ARHGAP15: variants seen among roughly 807,000 people sequenced by gnomAD.
The protein encoded by ARHGAP15 is Rho GTPase activating protein 15.
Under a neutral mutation model 63.7 loss-of-function variants are expected in ARHGAP15, and 51 were observed. The observed-to-expected ratio is 0.80, with a 90% confidence interval of 0.64 to 1.01. The LOEUF (loss-of-function observed/expected upper bound fraction) is 1.01, where lower values mean the gene tolerates loss of function less well. Among genes scored for constraint, ARHGAP15 ranks in the 50% least tolerant of loss-of-function variants. The pLI is 0.00. For missense variants in ARHGAP15, 560 were observed against 564.6 expected (o/e 0.99, Z 0.08); for synonymous variants, 191 against 193.8 (o/e 0.99, Z 0.12).
At chr2:143,457,836 T>G (rs1690734161) in intron 8 of ARHGAP15, among the ~76,000 whole-genome samples, 1 of 151,722 alleles carries the variant, frequency 6.6e-6, no homozygotes, top group Non-Finnish European at 1.5e-5. Flanking sequence ...AATATCAAAT[T>G]TAATAGTATG....
chr2:143,257,683 G>A (rs1680494595), intron 6 of ARHGAP15, among the ~76,000 whole-genome samples: 3 of 152,044 alleles, frequency 2.0e-5, no homozygotes, highest in Admixed American at 2.0e-4. Context: ...CCATCCATGG[G>A]CTCCTGTGGC....
intron 10 of ARHGAP15, among the ~76,000 whole-genome samples, chr2:143,522,535 C>G (rs971408399): frequency 1.3e-5 from 2 of 152,026 alleles, no homozygotes. Context: ...GGTACAATGA[C>G]CAAAAGCATG....
chr2:143,742,751 A>C (rs1686008712), intron 13 of ARHGAP15, among the ~76,000 whole-genome samples: 1 of 152,224 alleles, frequency 6.6e-6, no homozygotes, highest in South Asian at 2.1e-4. Context: ...CAATCAGAAA[A>C]GAACCTGGCC....
chr2:143,620,799 T>C (rs758468591), intron 11 of ARHGAP15, among the ~76,000 whole-genome samples: 71 of 152,240 alleles, frequency 4.7e-4, no homozygotes, highest in Non-Finnish European at 8.2e-4. Flanking sequence ...CATAGCACAG[T>C]CCCTGGTACA....
At chr2:143,401,335 C>T (rs1574396153) in intron 6 of ARHGAP15, among the ~76,000 whole-genome samples, 1 of 151,930 alleles carries the variant, frequency 6.6e-6, no homozygotes, top group East Asian at 1.9e-4. Flanking sequence ...TTGTTAGCTG[C>T]ACTTCCAATG....
At chr2:143,517,561 C>T (rs1344900914) in intron 9 of ARHGAP15, among the ~76,000 whole-genome samples, 2 of 152,166 alleles carry the variant, frequency 1.3e-5, no homozygotes, top group South Asian at 2.1e-4. Flanking sequence ...CCAACACTGT[C>T]TAGGTACTCA....
rs565935067 is a variant in ARHGAP15, at chr2:143,752,532, G to T, written c.1245-15457G>T. 1.1e-3 allele frequency among the ~76,000 whole-genome samples: 165 copies of T among 152,286 alleles called. 3 individuals are homozygous for T. In the South Asian group the frequency reaches 0.03, roughly 28 times the overall value. ...ACCATCGATGGACTCCTCATTGCCA[G>T]TCAGGCTGCGAGTGACCCAGCTCCA... On this transcript the variant is annotated intron_variant, in intron 13 of 13. Coordinates refer to ENST00000295095, the MANE Select transcript of ARHGAP15 (RefSeq NM_018460.4).
At chr2:143,454,655 CTAATA>C (rs1013715655) in intron 8 of ARHGAP15, among the ~76,000 whole-genome samples, 31 of 152,062 alleles carry the variant, frequency 2.0e-4, no homozygotes, top group African/African-American at 7.0e-4. Flanking sequence ...AATACTCCTC[CTAATA>C]TTTTTCTTAC....
chr2:143,172,875 C>T (rs749104680), intron 2 of ARHGAP15, among the ~76,000 whole-genome samples: 1 of 151,932 alleles, frequency 6.6e-6, no homozygotes, highest in African/African-American at 2.4e-5. Flanking sequence ...TGTCAACAAC[C>T]AACAGATGGT....
At chr2:143,308,860 CAGATAT>C (rs1683301770) in intron 6 of ARHGAP15, among the ~76,000 whole-genome samples, 1 of 131,950 alleles carries the variant, frequency 7.6e-6, no homozygotes, top group Admixed American at 8.9e-5. Flanking sequence ...AAAGGGCAAA[CAGATAT>C]ATTAAACATA....
intron 6 of ARHGAP15, chr2:143,351,223 C>T (rs77845132): frequency 6.6e-6 from 1 of 152,106 alleles, no homozygotes; most frequent in Non-Finnish European, 1.5e-5. Context: ...TCTATTCTTA[C>T]CATTTTGTGT....
chr2:143,166,413 T>C (rs138262737), intron 2 of ARHGAP15, among the ~76,000 whole-genome samples: 1 of 152,144 alleles, frequency 6.6e-6, no homozygotes, highest in South Asian at 2.1e-4. Context: ...ATTTATTTAT[T>C]TATTTGTACA....
intron 10 of ARHGAP15, among the ~76,000 whole-genome samples, chr2:143,534,647 G>A (rs1404289201): frequency 6.6e-6 from 1 of 152,116 alleles, no homozygotes; most frequent in Non-Finnish European, 1.5e-5. Flanking sequence ...GGGAGGCTGA[G>A]GTGGGCAGAT....
chr2:143,207,019 A>G lies in ARHGAP15; in HGVS notation c.234+4817A>G, dbSNP rs1869012. ...CAAAGTTTTTTACATAAAAAATTAT[A>G]ATATATATAAAATCCAAATTATAGT... On this transcript the variant is annotated intron_variant, in intron 3 of 13. Transcript: ENST00000295095. 8.8e-3 allele frequency among the ~76,000 whole-genome samples: 1,328 copies of G among 151,532 alleles called. 26 individuals carry two copies. Among genetic ancestry groups the G allele is most frequent in the African/African-American group, 0.03 (1,260 of 41,496 alleles).
intron 8 of ARHGAP15, among the ~76,000 whole-genome samples, chr2:143,454,236 G>T (rs1425142877): frequency 6.6e-6 from 1 of 151,960 alleles, no homozygotes; most frequent in Non-Finnish European, 1.5e-5. Context: ...AAAGGAATTA[G>T]TTGGAATTCC....
chr2:143,555,735 G>A (rs560772113), intron 10 of ARHGAP15, among the ~76,000 whole-genome samples: 74 of 152,168 alleles, frequency 4.9e-4, no homozygotes, highest in African/African-American at 1.8e-3. Flanking sequence ...CCATAATGGA[G>A]CACCTCATTA....
At chr2:143,236,092 C>G in intron 5 of ARHGAP15, 2 of 1,197,962 alleles carry the variant, frequency 1.7e-6, no homozygotes, top group Non-Finnish European at 2.2e-6. Context: ...TTTATTCTCT[C>G]AACAGTTAAC....
intron 5 of ARHGAP15, 43 bp downstream of exon 5, chr2:143,228,711 A>G (rs376727599): frequency 3.7e-4 from 510 of 1,393,852 alleles, no homozygotes; most frequent in Non-Finnish European, 4.6e-4. Context: ...CTTTTCAGAA[A>G]TATTGTAGAA....
chr2:143,544,132 C>G (rs1251330670), intron 10 of ARHGAP15, among the ~76,000 whole-genome samples: 2 of 152,114 alleles, frequency 1.3e-5, no homozygotes, highest in African/African-American at 4.8e-5. Context: ...CAGCTCTATT[C>G]CAGATACCTT....
Sources: allele counts gnomAD v4.1 joint callset (sites outside exome capture counted in the v4.1 genomes callset), GRCh38; gene constraint gnomAD v4.1.1; transcripts MANE v1.5; gene names NCBI Gene and HGNC (gene_info 2026-07-23, HGNC 2026-07-21).